FCER1A: variants seen among roughly 807,000 people sequenced by gnomAD.
FCER1A encodes high affinity immunoglobulin epsilon receptor subunit alpha.
In FCER1A, 24 loss-of-function variants were observed where a neutral mutation model predicts 23.6. That is an observed-to-expected ratio of 1.02 (90% CI 0.74 to 1.43). FCER1A has a LOEUF of 1.43. Ranked by LOEUF, FCER1A falls within the 40% of genes most tolerant of loss-of-function variation. The pLI is 0.00. For missense variants in FCER1A, 318 were observed against 294.5 expected, an observed-to-expected ratio of 1.08 and a Z score of -0.58; for synonymous variants, 121 against 108.8, an observed-to-expected ratio of 1.11 and a Z score of -0.70.
upstream of FCER1A, among the ~76,000 whole-genome samples, chr1:159,286,884 A>C (rs751997240): frequency 3.9e-5 from 6 of 152,194 alleles, no homozygotes; most frequent in African/African-American, 7.2e-5. Context: ...TATGTCCTAT[A>C]ATTAGCAGAT....
Position 159,308,077 on chromosome 1 carries a change from T to C in FCER1A, c.*145T>C. ...AATGCTTCATTAAACTGAGTGAAAC[T>C]GGTTAAGTGGCATGTAATAGTAAGT... On this transcript the variant is annotated 3_prime_UTR_variant, in exon 5 of 5. Transcript: ENST00000693622. The C allele has an allele frequency of 1.8e-6, 1 of 548,120 alleles. No homozygotes were observed. The highest frequency in any genetic ancestry group is 3.1e-6 in the Non-Finnish European group (1 of 318,038). The allele number at this position is 548,120 out of a possible 1,614,324, so 34.0% of individuals were successfully genotyped here.
At chr1:159,287,118 C>T (rs1215608854), upstream of FCER1A, among the ~76,000 whole-genome samples, 1 of 152,158 alleles carries the variant, frequency 6.6e-6, no homozygotes, top group African/African-American at 2.4e-5. Flanking sequence ...GTCAGAATAA[C>T]CCATGCTTCC....
At chr1:159,293,998 G>A (rs377595326) in intron 1 of FCER1A, among the ~76,000 whole-genome samples, 3,717 of 152,112 alleles carry the variant, frequency 0.024, 59 homozygotes, top group Middle Eastern at 0.088. Context: ...TCAGAGAAAT[G>A]CAAATCAAAA....
At chr1:159,289,075 T>C (rs1234783326), upstream of FCER1A, among the ~76,000 whole-genome samples, 32 of 152,168 alleles carry the variant, frequency 2.1e-4, no homozygotes, top group Admixed American at 2.1e-3. Flanking sequence ...CTAACAAATA[T>C]CCCATGGTTA....
At chr1:159,284,411 C>G in the FCER1A span, among the ~76,000 whole-genome samples, 1 of 152,212 alleles carries the variant, frequency 6.6e-6, no homozygotes, top group Non-Finnish European at 1.5e-5. Flanking sequence ...TCAGCACATC[C>G]TTCTCCATTC....
upstream of FCER1A, among the ~76,000 whole-genome samples, chr1:159,288,138 A>C (rs1379492685): frequency 6.6e-6 from 1 of 152,208 alleles, no homozygotes; most frequent in East Asian, 1.9e-4. Flanking sequence ...GCTTACATTC[A>C]CCAGAAAGTG....
intron 3 of FCER1A, among the ~76,000 whole-genome samples, chr1:159,305,571 A>G (rs1409303911): frequency 6.6e-6 from 1 of 152,220 alleles, no homozygotes; most frequent in Non-Finnish European, 1.5e-5. Flanking sequence ...TTTGACAACT[A>G]TAATTAACAC....
At chr1:159,288,432 C>T (rs1339444329), upstream of FCER1A, among the ~76,000 whole-genome samples, 1 of 150,808 alleles carries the variant, frequency 6.6e-6, no homozygotes. Flanking sequence ...TTGAAATGCT[C>T]TTCTGCCTTG....
upstream of FCER1A, among the ~76,000 whole-genome samples, chr1:159,285,184 G>A (rs1488937792): frequency 5.9e-5 from 9 of 152,292 alleles, no homozygotes; most frequent in East Asian, 1.7e-3. Flanking sequence ...ACAGATGCCA[G>A]TAGAATCCTT....
chr1:159,297,543 AGG>A (rs1652323461), upstream of FCER1A, among the ~76,000 whole-genome samples: 1 of 152,166 alleles, frequency 6.6e-6, no homozygotes, highest in Admixed American at 6.6e-5. Context: ...ACCACCCTTA[AGG>A]TAGGTACTAT....
upstream of FCER1A, among the ~76,000 whole-genome samples, chr1:159,287,347 C>G (rs1291685673): frequency 6.6e-6 from 1 of 152,086 alleles, no homozygotes; most frequent in Non-Finnish European, 1.5e-5. Context: ...GTCAAATATT[C>G]TGTGGTTAGA....
At chr1:159,307,621 A>G in intron 4 of FCER1A, 127 bp from the exon 5 acceptor site, 1 of 651,506 alleles carries the variant, frequency 1.5e-6, no homozygotes, top group Non-Finnish European at 2.6e-6. Context: ...GTGCTTCTGG[A>G]TGCCACATCA....
chr1:159,297,518 C>A (rs1204778460), upstream of FCER1A, among the ~76,000 whole-genome samples: 1 of 152,160 alleles, frequency 6.6e-6, no homozygotes, highest in Admixed American at 6.5e-5. Context: ...CACATTAACT[C>A]ATTTTATGCT....
At chr1:159,305,626 A>G (rs563560586) in intron 3 of FCER1A, among the ~76,000 whole-genome samples, 1 of 152,296 alleles carries the variant, frequency 6.6e-6, no homozygotes, top group African/African-American at 2.4e-5. Context: ...CAAAATAGAC[A>G]CTCTCCTAAG....
At chr1:159,301,354 C>G (rs570690981), upstream of FCER1A, among the ~76,000 whole-genome samples, 1 of 152,138 alleles carries the variant, frequency 6.6e-6, no homozygotes, top group East Asian at 1.9e-4. Flanking sequence ...GAGCCTTGAC[C>G]TAGAGCAAAA....
upstream of FCER1A, among the ~76,000 whole-genome samples, chr1:159,289,266 G>T (rs1339153178): frequency 6.6e-6 from 1 of 152,212 alleles, no homozygotes; most frequent in African/African-American, 2.4e-5. Flanking sequence ...AGATAGGAGA[G>T]TGAAGGACTC....
the FCER1A span, among the ~76,000 whole-genome samples, chr1:159,284,064 G>A: frequency 3.3e-5 from 5 of 152,322 alleles, no homozygotes; most frequent in South Asian, 1.0e-3. Context: ...TACTGGGTAA[G>A]CATACAAAGG....
chr1:159,288,800 G>T (rs74122819), upstream of FCER1A, among the ~76,000 whole-genome samples: 125 of 152,088 alleles, frequency 8.2e-4, no homozygotes, highest in African/African-American at 2.9e-3. Flanking sequence ...TCCTTTCCTT[G>T]GTCCTGTATC....
chr1:159,295,564 T>C (rs1464886311), intron 1 of FCER1A, among the ~76,000 whole-genome samples: 9 of 152,204 alleles, frequency 5.9e-5, no homozygotes, highest in Non-Finnish European at 4.4e-5. Context: ...TCCCAAATTT[T>C]ATGTCACTGA....
Sources: gnomAD v4.1 joint callset for allele counts (sites outside exome capture counted in the v4.1 genomes callset) on GRCh38, gnomAD v4.1.1 for gene constraint, MANE v1.5 for transcripts, NCBI Gene and HGNC (gene_info 2026-07-23, HGNC 2026-07-21) for gene names.